Variants in CSMD1 observed in about 807,000 individuals in gnomAD.
The protein encoded by CSMD1 is CUB and Sushi multiple domains 1.
In CSMD1, 213 loss-of-function variants were observed where a neutral mutation model predicts 417.5. That is an observed-to-expected ratio of 0.51 (90% CI 0.46 to 0.57). The LOEUF (loss-of-function observed/expected upper bound fraction) is 0.57. CSMD1 is among the 20% of genes least tolerant of loss of function. CSMD1 has a pLI of 0.00. For synonymous variants in CSMD1, 2,862 were observed against 1,736.8 expected (o/e 1.65, Z -16.11); for missense variants, 6,923 against 4,529.7 (o/e 1.53, Z -15.17).
chr8:4,659,581 A>G (rs989493134), intron 1 of CSMD1, among the ~76,000 whole-genome samples: 4 of 152,136 alleles, frequency 2.6e-5, no homozygotes, highest in Admixed American at 2.6e-4. Context: ...GATACCCAGA[A>G]GAGTTATATC....
At chr8:3,763,125 A>T (rs181056541) in intron 5 of CSMD1, among the ~76,000 whole-genome samples, 1 of 152,224 alleles carries the variant, frequency 6.6e-6, no homozygotes. Context: ...TAGGCACTCA[A>T]TGCACATTGG....
intron 3 of CSMD1, among the ~76,000 whole-genome samples, chr8:4,348,803 T>G (rs546632722): frequency 2.0e-5 from 3 of 152,302 alleles, no homozygotes; most frequent in African/African-American, 7.2e-5. Context: ...CTTAACCCAT[T>G]TATTCTTCCA....
At chr8:4,907,702 G>C (rs1259011937) in intron 1 of CSMD1, among the ~76,000 whole-genome samples, 1 of 149,356 alleles carries the variant, frequency 6.7e-6, no homozygotes, top group Non-Finnish European at 1.5e-5. Flanking sequence ...GGGACCACAG[G>C]CACATGCCAC....
intron 49 of CSMD1, among the ~76,000 whole-genome samples, chr8:3,082,423 C>G (rs1224736493): frequency 6.6e-6 from 1 of 152,192 alleles, no homozygotes; most frequent in Non-Finnish European, 1.5e-5. Flanking sequence ...CATTCCAGCT[C>G]AGACATCCCA....
At chr8:3,697,752 A>G (rs1177441381) in intron 7 of CSMD1, among the ~76,000 whole-genome samples, 1 of 152,192 alleles carries the variant, frequency 6.6e-6, no homozygotes, top group Non-Finnish European at 1.5e-5. Flanking sequence ...TTTGATGAAA[A>G]TTCATGTGTT....
intron 5 of CSMD1, among the ~76,000 whole-genome samples, chr8:3,981,061 C>A (rs1396841308): frequency 6.6e-6 from 1 of 152,130 alleles, no homozygotes; most frequent in African/African-American, 2.4e-5. Flanking sequence ...GTCAAAAACG[C>A]CCGTACTTGT....
chr8:3,004,264 C>T (rs77926250), intron 52 of CSMD1, among the ~76,000 whole-genome samples: 2,820 of 152,194 alleles, frequency 0.019, 97 homozygotes, highest in African/African-American at 0.065. Flanking sequence ...TATTCATTGA[C>T]GTTTAGCTTC....
chr8:3,032,837 G>A (rs1021482063), intron 50 of CSMD1, among the ~76,000 whole-genome samples: 4 of 151,876 alleles, frequency 2.6e-5, no homozygotes, highest in African/African-American at 4.8e-5. Flanking sequence ...ACCCTTAAAA[G>A]AATATTTTTA....
chr8:3,983,059 TG>T (rs1814009818), intron 5 of CSMD1, among the ~76,000 whole-genome samples: 1 of 151,924 alleles, frequency 6.6e-6, no homozygotes, highest in Non-Finnish European at 1.5e-5. Context: ...CCAAGTTGGC[TG>T]ACTCTTTTCC....
intron 3 of CSMD1, among the ~76,000 whole-genome samples, chr8:4,205,369 A>T (rs1799914529): frequency 6.6e-6 from 1 of 152,246 alleles, no homozygotes; most frequent in Non-Finnish European, 1.5e-5. Flanking sequence ...CAAGGGAAAA[A>T]GTGTGAACAA....
At chr8:3,227,576 C>G (rs763936136) in intron 27 of CSMD1, among the ~76,000 whole-genome samples, 7 of 151,966 alleles carry the variant, frequency 4.6e-5, no homozygotes, top group African/African-American at 1.7e-4. Flanking sequence ...CTAGAAAGAT[C>G]AATATTGGTA....
chr8:3,276,906 T>C (rs1802333970), intron 26 of CSMD1, among the ~76,000 whole-genome samples: 1 of 152,136 alleles, frequency 6.6e-6, no homozygotes, highest in Non-Finnish European at 1.5e-5. Context: ...AGTAACTTAA[T>C]CCACTGTATT....
chr8:3,791,676 A>T (rs953268141), intron 5 of CSMD1, among the ~76,000 whole-genome samples: 1 of 152,152 alleles, frequency 6.6e-6, no homozygotes, highest in African/African-American at 2.4e-5. Context: ...CACAAAAATT[A>T]GCTGGGCACG....
At chr8:4,144,070 G>C (rs929483361) in intron 3 of CSMD1, among the ~76,000 whole-genome samples, 8 of 151,212 alleles carry the variant, frequency 5.3e-5, no homozygotes, top group Admixed American at 2.0e-4. Flanking sequence ...GGAGACGGAA[G>C]TTTTTCCTTT....
intron 3 of CSMD1, among the ~76,000 whole-genome samples, chr8:4,257,651 G>C (rs1458062513): frequency 6.6e-6 from 1 of 152,166 alleles, no homozygotes; most frequent in Non-Finnish European, 1.5e-5. Flanking sequence ...CATCACATTG[G>C]TTACAGCATA....
intron 1 of CSMD1, among the ~76,000 whole-genome samples, chr8:4,868,258 G>C (rs1021671013): frequency 6.6e-6 from 1 of 152,058 alleles, no homozygotes; most frequent in Non-Finnish European, 1.5e-5. Flanking sequence ...CTTTAAGACA[G>C]AGTTTCACAC....
At chr8:3,698,787 T>C (rs909981171) in intron 7 of CSMD1, among the ~76,000 whole-genome samples, 2 of 152,134 alleles carry the variant, frequency 1.3e-5, no homozygotes, top group African/African-American at 4.8e-5. Context: ...AGAGTGAAAA[T>C]GTATCTGGTT....
At chr8:3,418,790 T>A (rs145652799) in intron 12 of CSMD1, among the ~76,000 whole-genome samples, 2 of 152,244 alleles carry the variant, frequency 1.3e-5, no homozygotes, top group African/African-American at 4.8e-5. Flanking sequence ...TGTCAGACCA[T>A]AGTAGGAAAT....
In CSMD1 at chr8:4,176,432, G is replaced by A. The variant is rs570328228; in HGVS notation, c.416-144333C>T. 5.3e-5 allele frequency among the ~76,000 whole-genome samples: 8 copies of A among 151,778 alleles called. No individual in the cohort carries two copies. In the South Asian group the frequency reaches 1.7e-3, roughly 32 times the overall value. ...CTTATTTACCATGATTTTTACCTTG[G>A]AAGCTTTCCTTTCCTTTTTGATTAT... On this transcript the variant is annotated intron_variant, in intron 3 of 69. Transcript: ENST00000635120.
Sources: allele counts gnomAD v4.1 joint callset (sites outside exome capture counted in the v4.1 genomes callset), GRCh38; gene constraint gnomAD v4.1.1; transcripts MANE v1.5; gene names NCBI Gene and HGNC (gene_info 2026-07-23, HGNC 2026-07-21).